The following HNRNPUL2 variants were observed in gnomAD, a reference collection of about 807,000 sequenced individuals.
HNRNPUL2 encodes the protein heterogeneous nuclear ribonucleoprotein U-like protein 2.
HNRNPUL2 carries 27 observed loss-of-function variants against 102.2 expected under a neutral mutation model. The observed-to-expected ratio is 0.26, with a 90% CI of 0.19 to 0.36. The LOEUF is 0.36. HNRNPUL2 is among the 10% of genes least tolerant of loss of function. The probability of loss-of-function intolerance (pLI) is 1.00; values close to 1 mark genes in which losing one functional copy is unlikely to be tolerated. For synonymous variants in HNRNPUL2, 458 were observed against 387.2 expected, an observed-to-expected ratio of 1.18 and a Z score of -2.15; for missense variants, 936 against 981.1, an observed-to-expected ratio of 0.95 and a Z score of 0.61.
chr11:62,721,199 T>C, intron 9 of HNRNPUL2, 96 bp downstream of exon 9: 3 of 1,136,640 alleles, frequency 2.6e-6, no homozygotes, highest in Non-Finnish European at 3.8e-6. Context: ...CACAACCAGA[T>C]GGTCATAATT....
intron 9 of HNRNPUL2, 64 bp from the exon 10 acceptor site, chr11:62,720,255 AT>A: frequency 6.6e-7 from 1 of 1,524,332 alleles, no homozygotes; most frequent in Admixed American, 1.7e-5. Context: ...AACCAAAAGA[AT>A]CAGTATCAGC....
In HNRNPUL2 at chr11:62,722,920, G is replaced by A. The variant is rs1265733015; in HGVS notation, c.892-17C>T. 23 of 1,603,658 alleles carry A rather than the reference G, an allele frequency of 1.4e-5. No homozygotes were observed. The highest frequency in any genetic ancestry group is 8.0e-5 in the African/African-American group (6 of 74,696). ...CTGGGTTACCTGGCCAAGTCAGAAA[G>A]GGAACTATTAGATATTGTGACCAAC... is the stretch of plus-strand genomic sequence containing the variant. On this transcript the variant is annotated splice_polypyrimidine_tract_variant and intron_variant, in intron 4 of 13. Transcript: ENST00000301785.
chr11:62,722,134 T>G lies in HNRNPUL2; in HGVS notation c.1342A>C (p.Thr448Pro). 1 of 1,614,012 alleles carries G rather than the reference T, an allele frequency of 6.2e-7. No homozygotes were observed. The highest frequency in any genetic ancestry group is 8.5e-7 in the Non-Finnish European group (1 of 1,179,988). ...ERVRTAVPPK[T>P]IEECEVILMV... ...TGGCATACCTCACATTCCTCTATGGTCTTGGGAGGGACTGCAGTGCGTACA... is the reference window on the plus strand; with the variant it reads ...TGGCATACCTCACATTCCTCTATGGGCTTGGGAGGGACTGCAGTGCGTACA... The change falls in exon 7 of 14, where the codon ACC (threonine) becomes CCC (proline). Residue 448 changes from threonine (T) to proline (P), a missense_variant. By Grantham distance (38) the Thr-to-Pro change is conservative. Around this residue, in one of 2 missense-constraint regions of HNRNPUL2, gnomAD observed 609 missense variants for 713.0 expected, o/e 0.85. Coordinates refer to ENST00000301785, the MANE Select transcript of HNRNPUL2 (RefSeq NM_001079559.3).
chr11:62,726,395 T>C (rs72929452), intron 1 of HNRNPUL2, among the ~76,000 whole-genome samples: 24,662 of 152,140 alleles, frequency 0.16, 2,238 homozygotes, highest in Non-Finnish European at 0.22. Flanking sequence ...CCATCCACTA[T>C]CACCAAGGAA....
At chr11:62,716,862 C>T in intron 11 of HNRNPUL2, 127 bp downstream of exon 11, 1 of 820,108 alleles carries the variant, frequency 1.2e-6, no homozygotes, top group African/African-American at 1.7e-5. Flanking sequence ...AAATAAGCTC[C>T]ATGAAGAAGG....
chr11:62,723,741 G>T lies in HNRNPUL2; in HGVS notation c.752-15C>A. On this transcript the variant is annotated splice_polypyrimidine_tract_variant and intron_variant, in intron 3 of 13. Coordinates refer to ENST00000301785, the MANE Select transcript of HNRNPUL2 (RefSeq NM_001079559.3). The stretch of plus-strand genomic sequence containing the variant: ...ATCCGAGGTATCTGTAAAGAAAGAA[G>T]CAATCAGTTTACTCCAATGTCCAAT... The T allele has an allele frequency of 1.2e-6, 2 of 1,614,024 alleles. No homozygotes were observed. Among genetic ancestry groups the T allele is most frequent in the Non-Finnish European group, 1.7e-6 (2 of 1,179,956 alleles).
chr11:62,724,582 C>G (rs2083729859), intron 1 of HNRNPUL2, among the ~76,000 whole-genome samples, 156 bp from the exon 2 acceptor site: 1 of 152,188 alleles, frequency 6.6e-6, no homozygotes, highest in Admixed American at 6.5e-5. Context: ...TTCTAAAGAT[C>G]AGCTTTCTGT....
In HNRNPUL2 at chr11:62,721,904, G is replaced by C. The variant is rs2083705627; in HGVS notation, c.1398C>G (p.Thr466=). ...LMVGLPGSGK[T]QWALKYAKEN... ...CTTTTGCATATTTCAGTGCCCACTG[G>C]GTCTTTCCAGATCCGGGTAGTCCCA... The change falls in exon 8 of 14, where the codon ACC becomes ACG. Residue 466 remains threonine, a synonymous_variant. Coordinates refer to ENST00000301785, the MANE Select transcript of HNRNPUL2 (RefSeq NM_001079559.3). 1.2e-6 allele frequency: 2 copies of C among 1,613,902 alleles called. No homozygotes were observed. Among genetic ancestry groups the C allele is most frequent in the African/African-American group, 2.7e-5 (2 of 74,864 alleles).
intron 10 of HNRNPUL2, 65 bp downstream of exon 10, chr11:62,719,958 T>A: frequency 6.9e-7 from 1 of 1,453,884 alleles, no homozygotes; most frequent in Non-Finnish European, 9.6e-7. Context: ...AAACCTCTAT[T>A]ACTTACAAAT....
chr11:62,726,571 G>C, intron 1 of HNRNPUL2, 48 bp downstream of exon 1: 2 of 1,474,926 alleles, frequency 1.4e-6, no homozygotes, highest in South Asian at 1.3e-5. Context: ...TGCTAGATCA[G>C]GGGCGCAGCC....
chr11:62,722,862 G>C lies in HNRNPUL2; in HGVS notation c.933C>G (p.Val311=), dbSNP rs1167430356. 3.7e-6 allele frequency: 6 copies of C among 1,614,068 alleles called. No homozygotes were observed. The highest frequency in any genetic ancestry group is 1.1e-5 in the South Asian group (1 of 91,078). ...NLPMKEGCTE[V]SLLRVGWSVD... is the part of the protein sequence containing the mutation. The stretch of plus-strand genomic sequence containing the variant: ...CAGACCACCCAACTCGAAGGAGAGA[G>C]ACCTCTGTGCAGCCTTCTTTCATTG... Residue 311 remains valine, a synonymous_variant, in exon 5 of 14, where the codon GTC becomes GTG. Coordinates refer to ENST00000301785, the MANE Select transcript of HNRNPUL2 (RefSeq NM_001079559.3).
intron 10 of HNRNPUL2, among the ~76,000 whole-genome samples, chr11:62,719,487 C>G (rs1332753587): frequency 6.6e-6 from 1 of 152,116 alleles, no homozygotes. Context: ...AACAATGAGT[C>G]AAAATTATTG....
intron 9 of HNRNPUL2, 83 bp from the exon 10 acceptor site, chr11:62,720,274 G>A (rs895209145): frequency 1.8e-5 from 24 of 1,338,630 alleles, no homozygotes; most frequent in South Asian, 5.0e-5. Context: ...AGCTGGGCAC[G>A]GTGGCTCACG....
At chr11:62,716,840 G>A (rs1339652279) in intron 11 of HNRNPUL2, 149 bp downstream of exon 11, 2 of 670,350 alleles carry the variant, frequency 3.0e-6, no homozygotes, top group Admixed American at 6.2e-5. Context: ...CAGGGATAAA[G>A]AACACAGGAA....
Position 62,726,968 on chromosome 11 carries a change from A to G in HNRNPUL2, c.189T>C (p.Pro63=), listed in dbSNP as rs1247427630. Residue 63 remains proline, a synonymous_variant, in exon 1 of 14, where the codon CCT becomes CCC. Transcript: ENST00000301785. ...CCGGGCCGCCGCCCGACGCGGCCAC[A>G]GGCCGAGGCTCCGCCTTGCAGGCCC... is the stretch of plus-strand genomic sequence containing the variant. ...PGGACKAEPR[P]VAASGGGPGG... is the part of the protein sequence containing the mutation. 2.1e-6 allele frequency: 3 copies of G among 1,406,988 alleles called. No individual in the cohort carries two copies. The East Asian group carries it at 8.9e-5, about 42-fold the overall frequency. 87.2% of individuals were successfully genotyped at this position (1,406,988 alleles called of 1,614,324 possible).
intron 10 of HNRNPUL2, among the ~76,000 whole-genome samples, chr11:62,718,266 A>T (rs1299831766): frequency 6.6e-6 from 1 of 152,212 alleles, no homozygotes; most frequent in African/African-American, 2.4e-5. Flanking sequence ...TTATGTAGAC[A>T]TTACTCTCTG....
chr11:62,722,791 G>A (rs780592180), intron 5 of HNRNPUL2, 22 bp downstream of exon 5: 21 of 1,611,262 alleles, frequency 1.3e-5, no homozygotes, highest in South Asian at 4.4e-5. Context: ...CACTAATGAG[G>A]AACTTAAAGA....
chr11:62,721,344 T>C lies in HNRNPUL2; in HGVS notation c.1562A>G (p.Lys521Arg), dbSNP rs748768507. 2 of 1,610,268 alleles carry C rather than the reference T, an allele frequency of 1.2e-6. No individual in the cohort carries two copies. Among genetic ancestry groups the C allele is most frequent in the African/African-American group, 2.7e-5 (2 of 74,616 alleles). Residue 521 changes from lysine (K) to arginine (R), a missense_variant, in exon 9 of 14, where the codon AAG becomes AGG. Physicochemically the swap from Lys to Arg is conservative, Grantham distance 26. Around this residue, in one of 2 missense-constraint regions of HNRNPUL2, gnomAD observed 609 missense variants for 713.0 expected, o/e 0.85. Coordinates refer to ENST00000301785, the MANE Select transcript of HNRNPUL2 (RefSeq NM_001079559.3). ...LVQQASQCLS[K>R]LVQIASRTKR... is the part of the protein sequence containing the mutation. Reference sequence around the variant, plus strand: ...TGTCCGGGAAGCAATCTGGACCAGCTTACTAAGGCACTGGGAGGCTTGCTG... The same window carrying C: ...TGTCCGGGAAGCAATCTGGACCAGCCTACTAAGGCACTGGGAGGCTTGCTG...
At chr11:62,716,513 T>C (rs2083661438) in intron 11 of HNRNPUL2, among the ~76,000 whole-genome samples, 1 of 152,218 alleles carries the variant, frequency 6.6e-6, no homozygotes, top group African/African-American at 2.4e-5. Context: ...AAATTAATTC[T>C]ACTAATAGCC....
Sources: allele counts gnomAD v4.1 joint callset (sites outside exome capture counted in the v4.1 genomes callset), GRCh38; gene constraint gnomAD v4.1.1; regional missense constraint gnomAD v4.1.1; transcripts MANE v1.5; gene names NCBI Gene and HGNC (gene_info 2026-07-23, HGNC 2026-07-21).